The following ARID3A variants were observed in gnomAD, a reference collection of about 807,000 sequenced individuals.
The protein encoded by ARID3A is AT-rich interactive domain-containing protein 3A.
ARID3A carries 11 observed loss-of-function variants against 52.7 expected under a neutral mutation model. That is an observed-to-expected ratio of 0.21 (90% CI 0.13 to 0.35). ARID3A has a LOEUF of 0.35. Among genes scored for constraint, ARID3A ranks in the 10% least tolerant of loss-of-function variants. The pLI, the probability that ARID3A is intolerant of heterozygous loss-of-function variation, is 1.00. For missense variants in ARID3A, 721 were observed against 838.5 expected (o/e 0.86, Z 1.73); for synonymous variants, 404 against 359.4 (o/e 1.12, Z -1.40).
chr19:937,473 T>TTTC (rs2037460600), intron 3 of ARID3A, among the ~76,000 whole-genome samples: 1 of 152,096 alleles, frequency 6.6e-6, no homozygotes, highest in South Asian at 2.1e-4. Context: ...ACTCGACCTG[T>TTTC]TTCTGCCTTT....
chr19:972,223 A>G lies in ARID3A; in HGVS notation c.*158A>G, dbSNP rs2038292174. ...TGACGCCAAAAAGAAAAGAAAAAAG[A>G]TATATATATATATATATATATATAC... is the stretch of plus-strand genomic sequence containing the variant. On this transcript the variant is annotated 3_prime_UTR_variant, in exon 9 of 9. Coordinates refer to ENST00000263620, the MANE Select transcript of ARID3A (RefSeq NM_005224.3). The G allele has an allele frequency of 2.0e-5, 2 of 99,594 alleles. No individual in the cohort carries two copies. The highest frequency in any genetic ancestry group is 3.8e-5 in the Non-Finnish European group (2 of 53,136). 6.2% of individuals were successfully genotyped at this position (99,594 alleles called of 1,614,324 possible).
At chr19:945,809 G>A (rs946341402) in intron 3 of ARID3A, among the ~76,000 whole-genome samples, 1 of 152,212 alleles carries the variant, frequency 6.6e-6, no homozygotes, top group Non-Finnish European at 1.5e-5. Flanking sequence ...CCTGCTGCTG[G>A]TGCTGGGCTG....
chr19:938,921 T>C lies in ARID3A; in HGVS notation c.693+6179T>C, dbSNP rs1003903495. ...TGGAAAATACACATAGATACATTAT[T>C]TTATCTCTCTTTTTTTTTTTTTTTT... On this transcript the variant is annotated intron_variant, in intron 3 of 8. Transcript: ENST00000263620. The surrounding 1 kb of genome is among the most constrained non-coding windows in gnomAD (Gnocchi z 4.0). 1.3e-5 allele frequency among the ~76,000 whole-genome samples: 2 copies of C among 149,456 alleles called. No individual in the cohort carries two copies. Among genetic ancestry groups the C allele is most frequent in the Non-Finnish European group, 2.9e-5 (2 of 67,798 alleles).
chr19:962,705 G>C (rs930889320), intron 4 of ARID3A, among the ~76,000 whole-genome samples: 3 of 151,896 alleles, frequency 2.0e-5, no homozygotes, highest in Non-Finnish European at 4.4e-5. Context: ...AGTAGAGACA[G>C]GGTTTCTCCC....
At position 975,763 on chromosome 19, in the gene ARID3A, CAA is replaced by C. The variant is rs151219876; in HGVS notation, c.*3711_*3712del. On this transcript the variant is annotated 3_prime_UTR_variant, in exon 9 of 9. Coordinates refer to ENST00000263620, the MANE Select transcript of ARID3A (RefSeq NM_005224.3). Reference sequence around the variant, plus strand: ...AAAAAAAAAAAAAAGACAAAAAGACCAAAAAAAAAAAAAAGTGTGATTTTGAA... The same window carrying C: ...AAAAAAAAAAAAAAGACAAAAAGACCAAAAAAAAAAAAGTGTGATTTTGAA... 0.018 allele frequency: 2,812 copies of C among 153,396 alleles called. 6 individuals are homozygous for C. Among genetic ancestry groups the C allele is most frequent in the Middle Eastern group, 0.056 (20 of 356 alleles). The allele number at this position is 153,396 out of a possible 1,614,324, so 9.5% of individuals were successfully genotyped here. A position where few individuals can be genotyped will look rare whatever the true frequency, so the allele number is the denominator to read the frequency against.
intron 3 of ARID3A, among the ~76,000 whole-genome samples, chr19:948,864 C>T (rs770554939): frequency 6.6e-6 from 1 of 152,182 alleles, no homozygotes; most frequent in South Asian, 2.1e-4. Context: ...CGTGCGCCAC[C>T]ACGCCCGGCT....
intron 3 of ARID3A, among the ~76,000 whole-genome samples, chr19:937,775 C>T (rs1453578544): frequency 1.4e-5 from 2 of 143,450 alleles, no homozygotes; most frequent in South Asian, 2.2e-4. Context: ...GGGGCGATCT[C>T]GGCTCACTGC....
upstream of ARID3A, chr19:925,877 G>A (rs1299879591): frequency 1.3e-5 from 2 of 151,758 alleles, no homozygotes; most frequent in Non-Finnish European, 2.9e-5. Flanking sequence ...GAGCCCTGGC[G>A]AGGCCCTCCC....
intron 8 of ARID3A, among the ~76,000 whole-genome samples, chr19:971,115 A>G (rs1429450667): frequency 6.6e-6 from 1 of 152,168 alleles, no homozygotes; most frequent in Non-Finnish European, 1.5e-5. Context: ...TGGATTAAAC[A>G]CACGTGTGTG....
Position 948,239 on chromosome 19 carries a change from A to C in ARID3A, c.694-11853A>C, listed in dbSNP as rs577978564. Among the ~76,000 whole-genome samples, 12 of 151,116 alleles carry C rather than the reference A, an allele frequency of 7.9e-5. No individual in the cohort carries two copies. The South Asian group carries it at 2.5e-3, about 32-fold the overall frequency. ...GGACACTGCATCTCCCCAGCATACAAGATAGTCCAGGACACACAGGAGGTG... is the reference window on the plus strand; with the variant it reads ...GGACACTGCATCTCCCCAGCATACACGATAGTCCAGGACACACAGGAGGTG... On this transcript the variant is annotated intron_variant, in intron 3 of 8. Coordinates refer to ENST00000263620, the MANE Select transcript of ARID3A (RefSeq NM_005224.3).
rs376847347 is a variant in ARID3A at position 941,871 on chromosome 19, C to T, written c.693+9129C>T. On this transcript the variant is annotated intron_variant, in intron 3 of 8. Transcript: ENST00000263620. This position sits in a 1 kb window ranked among gnomAD's most constrained non-coding sequence, Gnocchi z 6.9. ...AGGCTGGAGAGTGTGTGTCCAAAAG[C>T]GTGCCTGCTTGGGCTCGCCACGTGT... 3.2e-4 allele frequency among the ~76,000 whole-genome samples: 48 copies of T among 151,942 alleles called. No homozygotes were observed. The highest frequency in any genetic ancestry group is 1.1e-3 in the African/African-American group (47 of 41,414).
chr19:951,605 G>A (rs1011012274), intron 3 of ARID3A, among the ~76,000 whole-genome samples: 3 of 152,080 alleles, frequency 2.0e-5, no homozygotes, highest in Non-Finnish European at 4.4e-5. Context: ...GAGTTCCCCG[G>A]CTGGTCTGGG....
chr19:945,887 A>G lies in ARID3A; in HGVS notation c.693+13145A>G, dbSNP rs149984515. On this transcript the variant is annotated intron_variant, in intron 3 of 8. Transcript: ENST00000263620. Reference sequence around the variant, plus strand: ...AGTCTCCCACCAGGTGCCTCTTTCCAAATGGACACTCCTGCTGGGCATGAC... The same window carrying G: ...AGTCTCCCACCAGGTGCCTCTTTCCGAATGGACACTCCTGCTGGGCATGAC... Among the ~76,000 whole-genome samples, 1,297 of 152,248 alleles carry G rather than the reference A, an allele frequency of 8.5e-3. 8 individuals carry two copies. Among genetic ancestry groups the G allele is most frequent in the Non-Finnish European group, 0.014 (923 of 68,024 alleles).
chr19:950,380 G>T (rs2159128), intron 3 of ARID3A, among the ~76,000 whole-genome samples: 864 of 38,426 alleles, frequency 0.022, 187 homozygotes, highest in East Asian at 0.13. Flanking sequence ...GTCCCCAGAG[G>T]GAATGGATGG....
chr19:935,322 T>G (rs1442020518), intron 3 of ARID3A, among the ~76,000 whole-genome samples: 3 of 152,228 alleles, frequency 2.0e-5, no homozygotes, highest in African/African-American at 7.2e-5. Context: ...GGAACCTTGC[T>G]GCCTGGGGCC....
intron 3 of ARID3A, among the ~76,000 whole-genome samples, chr19:939,124 TA>T (rs1330846643): frequency 1.4e-5 from 2 of 145,326 alleles, no homozygotes; most frequent in African/African-American, 5.3e-5. Context: ...TTTATTTATT[TA>T]TTATTATTAT....
At chr19:954,351 C>T (rs1446703867) in intron 3 of ARID3A, among the ~76,000 whole-genome samples, 3 of 152,236 alleles carry the variant, frequency 2.0e-5, no homozygotes, top group African/African-American at 7.2e-5. Context: ...GGGTCCACAC[C>T]TTCCATCCCC....
intron 3 of ARID3A, among the ~76,000 whole-genome samples, chr19:954,100 G>A (rs1163356950): frequency 6.6e-6 from 1 of 152,128 alleles, no homozygotes; most frequent in Non-Finnish European, 1.5e-5. Flanking sequence ...GGAGAGGGCA[G>A]GGAGGGGCCA....
Position 965,097 on chromosome 19 carries a change from G to A in ARID3A, c.1198+17G>A, listed in dbSNP as rs2038121113. On this transcript the variant is annotated intron_variant, in intron 6 of 8. Transcript: ENST00000263620. ...TCAAGAAAGGTAAGGGCCTGTATGG[G>A]GCCTGGGGCGTGTTCCCAACTGAGC... 6.3e-7 allele frequency: 1 copy of A among 1,585,066 alleles called. No homozygotes were observed.
Sources: allele counts gnomAD v4.1 joint callset (sites outside exome capture counted in the v4.1 genomes callset), GRCh38; gene constraint gnomAD v4.1.1; non-coding constraint Gnocchi (gnomAD v3.1); transcripts MANE v1.5; gene names NCBI Gene and HGNC (gene_info 2026-07-23, HGNC 2026-07-21).